The following CYP4X1 variants were observed in gnomAD, a reference collection of about 807,000 sequenced individuals.
CYP4X1 encodes the protein cytochrome P450 4X1.
Under a neutral mutation model 57.9 loss-of-function variants are expected in CYP4X1, and 44 were observed. The ratio of observed to expected loss-of-function variants is 0.76; its 90% CI spans 0.60 to 0.98. CYP4X1 has a LOEUF of 0.98. Among genes scored for constraint, CYP4X1 ranks in the 50% least tolerant of loss-of-function variants. CYP4X1 has a pLI of 0.00. For missense variants in CYP4X1, 532 were observed against 623.9 expected, an observed-to-expected ratio of 0.85 and a Z score of 1.57; for synonymous variants, 227 against 228.6, an observed-to-expected ratio of 0.99 and a Z score of 0.06.
the CYP4X1 span, among the ~76,000 whole-genome samples, chr1:46,973,027 C>T: frequency 1.3e-5 from 2 of 152,160 alleles, no homozygotes; most frequent in Non-Finnish European, 2.9e-5. Flanking sequence ...AAGGGAAATG[C>T]TTCCAGCTTT....
intron 4 of CYP4X1, among the ~76,000 whole-genome samples, chr1:47,035,115 C>T (rs1019082159): frequency 6.6e-6 from 1 of 150,610 alleles, no homozygotes; most frequent in Non-Finnish European, 1.5e-5. Flanking sequence ...TAAGACCTAT[C>T]GGTCGACCTG....
At chr1:47,011,089 C>T in the CYP4X1 span, among the ~76,000 whole-genome samples, 10 of 152,066 alleles carry the variant, frequency 6.6e-5, no homozygotes, top group African/African-American at 2.4e-4. Flanking sequence ...AAAAACAGCC[C>T]GCATTGCCAA....
the CYP4X1 span, among the ~76,000 whole-genome samples, chr1:46,979,897 T>C: frequency 6.6e-6 from 1 of 152,148 alleles, no homozygotes; most frequent in Non-Finnish European, 1.5e-5. Context: ...TCTCAATAGA[T>C]GCAGAAAAGG....
the CYP4X1 span, among the ~76,000 whole-genome samples, chr1:46,996,054 TGTG>T: frequency 6.6e-6 from 1 of 152,250 alleles, no homozygotes; most frequent in Admixed American, 6.5e-5. Flanking sequence ...GAGTTCATAA[TGTG>T]GTAATATACA....
At chr1:46,999,619 G>A in the CYP4X1 span, among the ~76,000 whole-genome samples, 2 of 152,016 alleles carry the variant, frequency 1.3e-5, no homozygotes, top group Admixed American at 6.5e-5. Context: ...CTTTGGGTTT[G>A]TTATTGTTTT....
downstream of CYP4X1, among the ~76,000 whole-genome samples, chr1:47,055,333 G>A (rs1202396084): frequency 6.6e-6 from 1 of 152,084 alleles, no homozygotes; most frequent in East Asian, 1.9e-4. Context: ...GTATTTTATT[G>A]AGAATTTTTG....
the CYP4X1 span, among the ~76,000 whole-genome samples, chr1:46,994,087 C>T: frequency 6.6e-6 from 1 of 152,128 alleles, no homozygotes; most frequent in South Asian, 2.1e-4. Context: ...GTCTTTAATC[C>T]ACCTTGAATT....
chr1:47,018,743 A>G (rs1342008344), upstream of CYP4X1, among the ~76,000 whole-genome samples: 3 of 152,214 alleles, frequency 2.0e-5, no homozygotes, highest in African/African-American at 7.2e-5. Flanking sequence ...GGGCTTTAAT[A>G]AAGCATGGTT....
At chr1:46,976,964 T>C in the CYP4X1 span, among the ~76,000 whole-genome samples, 1 of 152,248 alleles carries the variant, frequency 6.6e-6, no homozygotes, top group East Asian at 1.9e-4. Flanking sequence ...AAACCCCATC[T>C]GTAGGTCACC....
At chr1:47,023,649 A>G (rs3813999), upstream of CYP4X1, 4,174 of 1,393,470 alleles carry the variant, frequency 3.0e-3, 83 homozygotes, top group East Asian at 0.05. Context: ...TCCTCTCCCC[A>G]GGCCTGAGCT....
the CYP4X1 span, among the ~76,000 whole-genome samples, chr1:46,963,089 T>A: frequency 1.3e-4 from 20 of 152,344 alleles, 1 homozygote; most frequent in Middle Eastern, 6.8e-3. Context: ...GCCTTTTTTT[T>A]GTTTTCCATT....
chr1:46,994,207 T>C, the CYP4X1 span, among the ~76,000 whole-genome samples: 7 of 152,222 alleles, frequency 4.6e-5, no homozygotes, highest in Non-Finnish European at 8.8e-5. Flanking sequence ...CCATTTCTTG[T>C]TTTTGTCAGG....
chr1:46,976,478 A>G, the CYP4X1 span, among the ~76,000 whole-genome samples: 1 of 152,146 alleles, frequency 6.6e-6, no homozygotes, highest in Non-Finnish European at 1.5e-5. Flanking sequence ...CCGCAGCTCA[A>G]TGAGGCCTGC....
chr1:47,023,862 C>T lies in CYP4X1; in HGVS notation c.45C>T (p.Tyr15=), dbSNP rs781505792. The T allele has an allele frequency of 1.9e-6, 3 of 1,613,558 alleles. No individual in the cohort carries two copies. Among genetic ancestry groups the T allele is most frequent in the African/African-American group, 1.3e-5 (1 of 74,944 alleles). ...WLETRWARPF[Y]LAFVFCLALG... is the part of the protein sequence containing the mutation. Reference sequence around the variant, plus strand: ...AGACGCGCTGGGCGCGGCCCTTTTACCTGGCGTTCGTGTTCTGCCTGGCCC... The same window carrying T: ...AGACGCGCTGGGCGCGGCCCTTTTATCTGGCGTTCGTGTTCTGCCTGGCCC... The change falls in exon 1 of 12, where the codon TAC becomes TAT. Residue 15 remains tyrosine, a synonymous_variant. Transcript: ENST00000371901.
rs1367829984 is a variant in CYP4X1 at position 47,050,134 on chromosome 1, A to G, written c.1490A>G (p.Asn497Ser). Residue 497 changes from asparagine to serine, a missense_variant, in exon 12 of 12, where the codon AAT becomes AGT. Physicochemically the swap from Asn to Ser is conservative, Grantham distance 46. Transcript: ENST00000371901. The stretch of plus-strand genomic sequence containing the variant: ...AACCATTTTATCCTCAAGCCCAAGA[A>G]TGGGATGTATTTGCACCTGAAGAAA... ...FPNHFILKPK[N>S]GMYLHLKKLS... 7 of 1,613,990 alleles carry G rather than the reference A, an allele frequency of 4.3e-6. No homozygotes were observed. Among genetic ancestry groups the G allele is most frequent in the Non-Finnish European group, 5.9e-6 (7 of 1,179,990 alleles).
chr1:47,015,135 A>T, the CYP4X1 span, among the ~76,000 whole-genome samples: 66 of 152,214 alleles, frequency 4.3e-4, no homozygotes, highest in African/African-American at 1.5e-3. Flanking sequence ...TCTCCACCAG[A>T]TTGTGTGTTG....
the CYP4X1 span, among the ~76,000 whole-genome samples, chr1:47,017,419 A>T: frequency 6.6e-6 from 1 of 151,830 alleles, no homozygotes; most frequent in Non-Finnish European, 1.5e-5. Context: ...GAAATATTTG[A>T]GAAACAAATT....
rs968834375 is a variant in CYP4X1 at position 47,048,269 on chromosome 1, T to C, written c.1208-296T>C. ...ACTCTAAACAAAAACAAAAAACAAA[T>C]ATTTAAGTAATTTCCAAACATAGCA... On this transcript the variant is annotated intron_variant, in intron 9 of 11. Coordinates refer to ENST00000371901, the MANE Select transcript of CYP4X1 (RefSeq NM_178033.2). Among the ~76,000 whole-genome samples the C allele has an allele frequency of 1.7e-3, 263 of 152,186 alleles. 5 individuals are homozygous for C. Among genetic ancestry groups the C allele is most frequent in the Non-Finnish European group, 8.8e-5 (6 of 67,982 alleles).
the CYP4X1 span, among the ~76,000 whole-genome samples, chr1:46,998,188 A>G: frequency 6.6e-6 from 1 of 151,572 alleles, no homozygotes; most frequent in Non-Finnish European, 1.5e-5. Context: ...TTTTTTAGAA[A>G]CCTAGTCTTG....
Sources: allele counts gnomAD v4.1 joint callset (sites outside exome capture counted in the v4.1 genomes callset), GRCh38; gene constraint gnomAD v4.1.1; transcripts MANE v1.5; gene names NCBI Gene and HGNC (gene_info 2026-07-23, HGNC 2026-07-21).